Variants in JARID2 observed in about 807,000 individuals in gnomAD.
The protein encoded by JARID2 is jumonji and AT-rich interaction domain containing 2.
A neutral mutation model predicts 125.6 loss-of-function variants in JARID2; 21 were observed. The ratio of observed to expected loss-of-function variants is 0.17; its 90% CI spans 0.12 to 0.24. The LOEUF (loss-of-function observed/expected upper bound fraction) is 0.24, where lower values mean the gene tolerates loss of function less well. Ranked by LOEUF, JARID2 falls within the 10% of genes least tolerant of loss-of-function variation. The pLI is 1.00. For missense variants in JARID2, 1,303 were observed against 1,639.6 expected, an observed-to-expected ratio of 0.79 and a Z score of 3.55; for synonymous variants, 736 against 661.6, an observed-to-expected ratio of 1.11 and a Z score of -1.73.
chr6:15,246,644 CA>C, intron 1 of JARID2, 60 bp downstream of exon 1: 1 of 1,364,392 alleles, frequency 7.3e-7, no homozygotes, highest in Non-Finnish European at 1.0e-6. Flanking sequence ...CTGTGAATGT[CA>C]AGTTTATAGA....
At chr6:15,260,780 G>T (rs1759843279) in intron 1 of JARID2, among the ~76,000 whole-genome samples, 1 of 152,174 alleles carries the variant, frequency 6.6e-6, no homozygotes, top group African/African-American at 2.4e-5. Context: ...TGGGAGGTGG[G>T]GAGGATAGAT....
chr6:15,283,222 C>T (rs1027636935), intron 1 of JARID2, among the ~76,000 whole-genome samples: 19 of 146,470 alleles, frequency 1.3e-4, no homozygotes, highest in Admixed American at 1.3e-3. Flanking sequence ...TTGTGATCTG[C>T]CCACCTTGGC....
At chr6:15,289,530 C>T (rs1451620740) in intron 1 of JARID2, among the ~76,000 whole-genome samples, 1 of 151,588 alleles carries the variant, frequency 6.6e-6, no homozygotes, top group Non-Finnish European at 1.5e-5. Context: ...ACTGCCCAGC[C>T]CCTTCTTACT....
chr6:15,267,964 T>C (rs1760151846), intron 1 of JARID2, among the ~76,000 whole-genome samples: 1 of 152,152 alleles, frequency 6.6e-6, no homozygotes, highest in African/African-American at 2.4e-5. Context: ...AAGGCTTAAC[T>C]GCGGCGGGGA....
chr6:15,386,269 C>T (rs941724850), intron 2 of JARID2, among the ~76,000 whole-genome samples: 1 of 149,260 alleles, frequency 6.7e-6, no homozygotes, highest in Non-Finnish European at 1.5e-5. Context: ...TTCTTCTCCC[C>T]CTTCCTTTCC....
rs373195685 is a variant in JARID2 at position 15,290,651 on chromosome 6, C to T, written c.45+44067C>T. Among the ~76,000 whole-genome samples, 335 of 152,216 alleles carry T rather than the reference C, an allele frequency of 2.2e-3. 1 individual carries two copies. The highest frequency in any genetic ancestry group is 0.01 in the Middle Eastern group (3 of 294). On this transcript the variant is annotated intron_variant, in intron 1 of 17. Coordinates refer to ENST00000341776, the MANE Select transcript of JARID2 (RefSeq NM_004973.4). ...TTTTCCCCCCCAAGACAGTGCCTTG[C>T]GCTGTCACCCAGGCTGGAGTGCAGT...
chr6:15,438,863 C>T (rs1282168714), intron 3 of JARID2, among the ~76,000 whole-genome samples: 1 of 152,078 alleles, frequency 6.6e-6, no homozygotes, highest in Non-Finnish European at 1.5e-5. Flanking sequence ...GAAACCCTGC[C>T]TCTAGTAAAA....
intron 3 of JARID2, among the ~76,000 whole-genome samples, chr6:15,448,508 T>G (rs1052208845): frequency 2.6e-5 from 4 of 152,356 alleles, no homozygotes; most frequent in African/African-American, 9.6e-5. Flanking sequence ...GCAGGCAATA[T>G]TTCTATAAAA....
At chr6:15,376,372 C>T (rs754637982) in intron 2 of JARID2, among the ~76,000 whole-genome samples, 32 of 152,280 alleles carry the variant, frequency 2.1e-4, no homozygotes, top group Non-Finnish European at 3.7e-4. Context: ...ATTTCTATAG[C>T]AGTTCTGAGT....
intron 3 of JARID2, among the ~76,000 whole-genome samples, chr6:15,414,118 T>C (rs554004449): frequency 6.6e-5 from 10 of 152,200 alleles, no homozygotes; most frequent in African/African-American, 9.6e-5. Context: ...TTGTCTACAG[T>C]AGGGTGATGG....
At chr6:15,484,953 G>A (rs1425166992) in intron 5 of JARID2, among the ~76,000 whole-genome samples, 1 of 152,102 alleles carries the variant, frequency 6.6e-6, no homozygotes, top group Non-Finnish European at 1.5e-5. Context: ...ATGTTCCCTT[G>A]GCTTGATTTT....
In JARID2 at chr6:15,380,890, G is replaced by A. The variant is rs570428669; in HGVS notation, c.181+6638G>A. ...TCTGATTTACGTAAGTTTATTTGTG[G>A]GCCATATTTGAAATGAATGTCTGGG... On this transcript the variant is annotated intron_variant, in intron 2 of 17. Coordinates refer to ENST00000341776, the MANE Select transcript of JARID2 (RefSeq NM_004973.4). 2.6e-5 allele frequency among the ~76,000 whole-genome samples: 4 copies of A among 151,554 alleles called. No individual in the cohort carries two copies. The South Asian group carries it at 6.3e-4, about 24-fold the overall frequency.
chr6:15,496,685 A>G lies in JARID2; in HGVS notation c.1460A>G (p.Lys487Arg). The stretch of plus-strand genomic sequence containing the variant: ...GGTCTGCTGAACGGACACGTGAAGA[A>G]GGAAGTGCCGGAGCGCAGTCTGGAG... ...ERGLLNGHVK[K>R]EVPERSLERN... Residue 487 changes from lysine (K) to arginine (R), a missense_variant, in exon 7 of 18, where the codon AAG becomes AGG. Lys to Arg is a conservative substitution (Grantham distance 26). Around this residue, in one of 11 missense-constraint regions of JARID2, gnomAD observed 651 missense variants for 581.6 expected, o/e 1.12. Transcript: ENST00000341776. The G allele has an allele frequency of 6.2e-7, 1 of 1,613,250 alleles. No individual in the cohort carries two copies. The highest frequency in any genetic ancestry group is 8.5e-7 in the Non-Finnish European group (1 of 1,179,910).
At chr6:15,401,085 T>C in intron 2 of JARID2, 1 of 1,288,966 alleles carries the variant, frequency 7.8e-7, no homozygotes, top group Non-Finnish European at 1.0e-6. Context: ...ATGGCTTTTG[T>C]TGGAGAAATA....
At chr6:15,414,358 CCT>C (rs1022856902) in intron 3 of JARID2, among the ~76,000 whole-genome samples, 30 of 152,126 alleles carry the variant, frequency 2.0e-4, no homozygotes, top group African/African-American at 4.6e-4. Context: ...CAGAAAACCC[CCT>C]GAGTCAGATT....
intron 1 of JARID2, among the ~76,000 whole-genome samples, chr6:15,325,142 T>G (rs887605678): frequency 6.6e-6 from 1 of 152,240 alleles, no homozygotes; most frequent in African/African-American, 2.4e-5. Flanking sequence ...AACATGGTTT[T>G]TCTTCCCATT....
At chr6:15,518,046 G>T (rs1228403121) in intron 17 of JARID2, among the ~76,000 whole-genome samples, 1 of 152,276 alleles carries the variant, frequency 6.6e-6, no homozygotes, top group Non-Finnish European at 1.5e-5. Flanking sequence ...TAAATGATCG[G>T]AGAGCTGGAA....
chr6:15,373,423 C>T (rs1026266767), intron 1 of JARID2, among the ~76,000 whole-genome samples: 2 of 152,170 alleles, frequency 1.3e-5, no homozygotes, highest in African/African-American at 4.8e-5. Flanking sequence ...TGTATTCGTT[C>T]TGGAGCAACA....
At chr6:15,323,287 T>G (rs951462492) in intron 1 of JARID2, among the ~76,000 whole-genome samples, 1 of 152,238 alleles carries the variant, frequency 6.6e-6, no homozygotes, top group Admixed American at 6.5e-5. Context: ...TGTGTCTTGT[T>G]CTTTCCTTTT....
Sources: allele counts gnomAD v4.1 joint callset (sites outside exome capture counted in the v4.1 genomes callset), GRCh38; gene constraint gnomAD v4.1.1; regional missense constraint gnomAD v4.1.1; transcripts MANE v1.5; gene names NCBI Gene and HGNC (gene_info 2026-07-23, HGNC 2026-07-21).